ZNF804B: variants seen among roughly 807,000 people sequenced by gnomAD.
ZNF804B encodes the protein zinc finger 804B.
A neutral mutation model predicts 101.4 loss-of-function variants in ZNF804B; 80 were observed. That is an observed-to-expected ratio of 0.79 (90% CI 0.66 to 0.95). The LOEUF (loss-of-function observed/expected upper bound fraction) is 0.95, where lower values mean the gene tolerates loss of function less well. Among genes scored for constraint, ZNF804B ranks in the 40% least tolerant of loss-of-function variants. ZNF804B has a pLI of 0.00. For synonymous variants in ZNF804B, 622 were observed against 558.8 expected (o/e 1.11, Z -1.59); for missense variants, 1,673 against 1,561.9 (o/e 1.07, Z -1.20).
chr7:88,808,866 A>G (rs1469776745), intron 1 of ZNF804B, among the ~76,000 whole-genome samples: 1 of 152,186 alleles, frequency 6.6e-6, no homozygotes, highest in Non-Finnish European at 1.5e-5. Flanking sequence ...TCCCTTTTAT[A>G]GACTATGCAT....
chr7:89,162,133 G>GT (rs1791074849), intron 1 of ZNF804B, among the ~76,000 whole-genome samples: 1 of 152,006 alleles, frequency 6.6e-6, no homozygotes. Context: ...TTCAGGGGCG[G>GT]GGGGAAGTCT....
chr7:88,787,845 A>G (rs967459460), intron 1 of ZNF804B, among the ~76,000 whole-genome samples: 3 of 152,172 alleles, frequency 2.0e-5, no homozygotes, highest in African/African-American at 4.8e-5. Flanking sequence ...GAAACATGAC[A>G]TAACTGAGAA....
At chr7:88,767,648 T>C (rs1392569947) in intron 1 of ZNF804B, among the ~76,000 whole-genome samples, 2 of 152,102 alleles carry the variant, frequency 1.3e-5, no homozygotes, top group Non-Finnish European at 1.5e-5. Flanking sequence ...GGCATGGAGG[T>C]GGCCATATTA....
chr7:89,064,709 A>G (rs2116287048), intron 1 of ZNF804B, among the ~76,000 whole-genome samples: 1 of 152,274 alleles, frequency 6.6e-6, no homozygotes, highest in South Asian at 2.1e-4. Flanking sequence ...TTCTCCACCC[A>G]GTAGGTGCCT....
At chr7:88,961,383 T>C (rs189959874) in intron 1 of ZNF804B, among the ~76,000 whole-genome samples, 3 of 151,492 alleles carry the variant, frequency 2.0e-5, no homozygotes, top group Non-Finnish European at 1.5e-5. Flanking sequence ...TTAAGCCTCA[T>C]AGGTTGTGTA....
chr7:88,958,869 G>A (rs1793351526), intron 1 of ZNF804B, among the ~76,000 whole-genome samples: 2 of 151,528 alleles, frequency 1.3e-5, no homozygotes, highest in South Asian at 4.1e-4. Context: ...TCTAAAAACT[G>A]GAGAGGTGGA....
At chr7:88,916,605 T>C (rs1056106414) in intron 1 of ZNF804B, among the ~76,000 whole-genome samples, 2 of 152,174 alleles carry the variant, frequency 1.3e-5, no homozygotes, top group Admixed American at 1.3e-4. Context: ...ATTTCTTTTT[T>C]GCTATTTAGA....
rs775694882 is a variant in ZNF804B at position 89,336,860 on chromosome 7, C to A, written c.3878C>A (p.Pro1293His). ...LQPLPPTAFI[P>H]TLFGPHLNPA... Reference sequence around the variant, plus strand: ...CCTCTGCCCCCTACAGCATTTATTCCTACATTGTTTGGTCCTCACTTAAAT... The same window carrying A: ...CCTCTGCCCCCTACAGCATTTATTCATACATTGTTTGGTCCTCACTTAAAT... The change falls in exon 4 of 4, where the codon CCT becomes CAT. Residue 1293 changes from proline (P) to histidine (H), a missense_variant. Coordinates refer to ENST00000333190, the MANE Select transcript of ZNF804B (RefSeq NM_181646.5). 4 of 1,614,086 alleles carry A rather than the reference C, an allele frequency of 2.5e-6. No individual in the cohort carries two copies. Among genetic ancestry groups the A allele is most frequent in the Middle Eastern group, 1.6e-4 (1 of 6,062 alleles).
intron 3 of ZNF804B, among the ~76,000 whole-genome samples, chr7:89,330,099 ATAAG>A (rs1790956402): frequency 6.6e-6 from 1 of 151,684 alleles, no homozygotes; most frequent in Admixed American, 6.6e-5. Flanking sequence ...TTATTTTAAT[ATAAG>A]TAAGAATATA....
At chr7:88,865,360 T>C (rs1370579708) in intron 1 of ZNF804B, among the ~76,000 whole-genome samples, 1 of 151,826 alleles carries the variant, frequency 6.6e-6, no homozygotes, top group African/African-American at 2.4e-5. Flanking sequence ...AGGGAAACCT[T>C]GTCTCTACAG....
At chr7:89,120,582 C>T (rs1288505479) in intron 1 of ZNF804B, among the ~76,000 whole-genome samples, 4 of 134,992 alleles carry the variant, frequency 3.0e-5, no homozygotes, top group Non-Finnish European at 4.6e-5. Context: ...GGCGTGAACC[C>T]GGGAGGCGGA....
intron 1 of ZNF804B, among the ~76,000 whole-genome samples, chr7:88,851,177 T>C (rs765394270): frequency 2.0e-5 from 3 of 152,072 alleles, no homozygotes; most frequent in Non-Finnish European, 4.4e-5. Context: ...GCCTAATATA[T>C]GTATAAATGA....
At position 89,336,015 on chromosome 7, in the gene ZNF804B, A is replaced by T. The variant is rs1562744941; in HGVS notation, c.3033A>T (p.Thr1011=). ...AAGACAAAAGCAAAAGTTCACACAC[A>T]AATAATTTTACAATTTTAGCAGACA... The part of the protein sequence containing the change: ...TEKDKSKSSH[T]NNFTILADTD... The change falls in exon 4 of 4, where the codon ACA becomes ACT. Residue 1011 remains threonine (T), a synonymous_variant. Transcript: ENST00000333190. 6.2e-7 allele frequency: 1 copy of T among 1,614,054 alleles called. No homozygotes were observed. The highest frequency in any genetic ancestry group is 2.2e-5 in the East Asian group (1 of 44,870).
At chr7:89,322,864 T>C (rs1790840870) in intron 2 of ZNF804B, among the ~76,000 whole-genome samples, 2 of 152,210 alleles carry the variant, frequency 1.3e-5, no homozygotes, top group Admixed American at 1.3e-4. Flanking sequence ...ATATGTAATA[T>C]TAATTGTATG....
intron 1 of ZNF804B, among the ~76,000 whole-genome samples, chr7:89,035,768 G>T (rs1788915722): frequency 6.6e-6 from 1 of 150,866 alleles, no homozygotes; most frequent in Non-Finnish European, 1.5e-5. Context: ...TTAAGAACAG[G>T]AAAAACATTC....
In ZNF804B at chr7:89,218,362, T is replaced by C. The variant is rs79462969; in HGVS notation, c.249+67T>C. ...TACCTTCAGAACAGAACTGTATGAA[T>C]TTGACCTTATTTACTGCCATATAAG... On this transcript the variant is annotated intron_variant, in intron 2 of 3. Coordinates refer to ENST00000333190, the MANE Select transcript of ZNF804B (RefSeq NM_181646.5). 1.5e-3 allele frequency: 2,383 copies of C among 1,561,434 alleles called. 33 individuals are homozygous for C. The African/African-American group carries it at 0.029, about 19-fold the overall frequency.
Position 89,166,769 on chromosome 7 carries a change from A to C in ZNF804B, c.109-51386A>C, listed in dbSNP as rs552527842. ...TTTACTTCCATACACAATTTATTGGAGAGATGAACTTCCCAAGTGGAGATG... is the reference window on the plus strand; with the variant it reads ...TTTACTTCCATACACAATTTATTGGCGAGATGAACTTCCCAAGTGGAGATG... On this transcript the variant is annotated intron_variant, in intron 1 of 3. Coordinates refer to ENST00000333190, the MANE Select transcript of ZNF804B (RefSeq NM_181646.5). Among the ~76,000 whole-genome samples the C allele has an allele frequency of 7.4e-4, 113 of 152,302 alleles. 1 individual carries two copies. Among genetic ancestry groups the C allele is most frequent in the African/African-American group, 2.5e-3 (106 of 41,586 alleles).
At chr7:89,232,982 C>G (rs554018522) in intron 2 of ZNF804B, among the ~76,000 whole-genome samples, 2 of 152,032 alleles carry the variant, frequency 1.3e-5, no homozygotes, top group Non-Finnish European at 2.9e-5. Flanking sequence ...AGTGCAGTGG[C>G]GCGATCTCCA....
At chr7:88,803,214 G>C (rs1230229233) in intron 1 of ZNF804B, among the ~76,000 whole-genome samples, 1 of 152,048 alleles carries the variant, frequency 6.6e-6, no homozygotes, top group Non-Finnish European at 1.5e-5. Context: ...GATGATACAT[G>C]TGTTGCTTTG....
Sources: gnomAD v4.1 joint callset for allele counts (sites outside exome capture counted in the v4.1 genomes callset) on GRCh38, gnomAD v4.1.1 for gene constraint, MANE v1.5 for transcripts, NCBI Gene and HGNC (gene_info 2026-07-23, HGNC 2026-07-21) for gene names.